Variants in DIP2C observed in about 807,000 individuals in gnomAD.
DIP2C encodes disco-interacting protein 2 homolog C.
In DIP2C, 33 loss-of-function variants were observed where a neutral mutation model predicts 192.4. The observed-to-expected ratio is 0.17, with a 90% CI of 0.13 to 0.23. DIP2C has a LOEUF of 0.23. Ranked by LOEUF, DIP2C falls within the 10% of genes least tolerant of loss-of-function variation. DIP2C has a pLI of 1.00. For synonymous variants in DIP2C, 979 were observed against 864.1 expected, an observed-to-expected ratio of 1.13 and a Z score of -2.33; for missense variants, 1,537 against 2,110.1, an observed-to-expected ratio of 0.73 and a Z score of 5.32.
At chr10:596,455 C>T (rs1433746851) in intron 1 of DIP2C, among the ~76,000 whole-genome samples, 1 of 122,580 alleles carries the variant, frequency 8.2e-6, no homozygotes, top group African/African-American at 3.2e-5. Flanking sequence ...GAGATCATGC[C>T]ATTGCACTTC....
Position 652,375 on chromosome 10 carries a change from G to T in DIP2C, c.85+37119C>A. 5.6e-6 allele frequency: 1 copy of T among 178,666 alleles called. No individual in the cohort carries two copies. The allele number at this position is 178,666 out of a possible 1,614,324, so 11.1% of individuals were successfully genotyped here. A position where few individuals can be genotyped will look rare whatever the true frequency, so the allele number is the denominator to read the frequency against. ...GGCTGAGAACTGAGTTCCAGTCCCGGGGTGGGGTGGCGGGGGGGCGCACTG... is the reference window on the plus strand; with the variant it reads ...GGCTGAGAACTGAGTTCCAGTCCCGTGGTGGGGTGGCGGGGGGGCGCACTG... On this transcript the variant is annotated intron_variant, in intron 1 of 36. Transcript: ENST00000280886. The surrounding 1 kb of genome is among the most constrained non-coding windows in gnomAD (Gnocchi z 4.5).
rs1050778669 is a variant in DIP2C at position 636,278 on chromosome 10, G to A, written c.85+53216C>T. Among the ~76,000 whole-genome samples, 2 of 152,100 alleles carry A rather than the reference G, an allele frequency of 1.3e-5. No homozygotes were observed. The highest frequency in any genetic ancestry group is 2.9e-5 in the Non-Finnish European group (2 of 68,008). Reference sequence around the variant, plus strand: ...CTCACTTCCATACCAATTTCCAGATGTATTTTTACTTTCCCACATTTTCAT... The same window carrying A: ...CTCACTTCCATACCAATTTCCAGATATATTTTTACTTTCCCACATTTTCAT... On this transcript the variant is annotated intron_variant, in intron 1 of 36. Transcript: ENST00000280886. The surrounding 1 kb of genome is among the most constrained non-coding windows in gnomAD (Gnocchi z 4.6).
chr10:325,487 C>T (rs1589486779), intron 31 of DIP2C, among the ~76,000 whole-genome samples: 2 of 152,178 alleles, frequency 1.3e-5, no homozygotes, highest in African/African-American at 2.4e-5. Flanking sequence ...GCAGCAGCCT[C>T]GCCATGGCCA....
intron 1 of DIP2C, among the ~76,000 whole-genome samples, chr10:587,618 C>A (rs1851150270): frequency 1.3e-5 from 2 of 151,754 alleles, no homozygotes; most frequent in Admixed American, 1.3e-4. Context: ...CTGCCTCAGC[C>A]CTGACCCTCC....
chr10:305,145 AAC>A (rs1241264409), intron 32 of DIP2C, among the ~76,000 whole-genome samples: 9 of 152,040 alleles, frequency 5.9e-5, no homozygotes, highest in South Asian at 2.1e-4. Context: ...ATATATACAC[AAC>A]ACACTTGCAC....
chr10:510,933 C>T (rs1240178477), intron 1 of DIP2C, among the ~76,000 whole-genome samples: 3 of 152,176 alleles, frequency 2.0e-5, no homozygotes, highest in Admixed American at 1.3e-4. Flanking sequence ...ACAAACATGT[C>T]ACTTGCCACT....
Position 363,752 on chromosome 10 carries a change from C to T in DIP2C, c.2478-441G>A, listed in dbSNP as rs1959832198. 6.6e-6 allele frequency among the ~76,000 whole-genome samples: 1 copy of T among 152,196 alleles called. No homozygotes were observed. Among genetic ancestry groups the T allele is most frequent in the Non-Finnish European group, 1.5e-5 (1 of 68,040 alleles). The stretch of plus-strand genomic sequence containing the variant: ...GTGTATGTGCCTTATACTGTCAGCA[C>T]AGCACAGTCACCTCCAGTAAAAGAG... On this transcript the variant is annotated intron_variant, in intron 20 of 36. Coordinates refer to ENST00000280886, the MANE Select transcript of DIP2C (RefSeq NM_014974.3). The surrounding 1 kb of genome is among the most constrained non-coding windows in gnomAD (Gnocchi z 5.4).
intron 1 of DIP2C, among the ~76,000 whole-genome samples, chr10:502,158 C>CCA (rs1222682021): frequency 6.6e-6 from 1 of 152,062 alleles, no homozygotes; most frequent in Non-Finnish European, 1.5e-5. Flanking sequence ...ATTCAAATTC[C>CCA]CACATCATAG....
chr10:409,098 G>A (rs1965010567), intron 8 of DIP2C, 81 bp from the exon 9 acceptor site: 2 of 1,438,798 alleles, frequency 1.4e-6, no homozygotes, highest in Non-Finnish European at 1.9e-6. Context: ...TCTAGGACAT[G>A]AGTCCATTCT....
chr10:277,620 G>A, intron 36 of DIP2C, 43 bp from the exon 37 acceptor site: 1 of 1,603,680 alleles, frequency 6.2e-7, no homozygotes, highest in Non-Finnish European at 8.5e-7. Context: ...GTTTATTAAT[G>A]CTTTATTTAA....
intron 17 of DIP2C, among the ~76,000 whole-genome samples, chr10:379,973 C>CTA (rs1564638219): frequency 1.3e-5 from 2 of 151,532 alleles, no homozygotes; most frequent in Non-Finnish European, 2.9e-5. Context: ...GAGGATGTCC[C>CTA]TAGAAGATGG....
intron 2 of DIP2C, among the ~76,000 whole-genome samples, chr10:477,100 G>T (rs1024731489): frequency 1.3e-5 from 2 of 149,476 alleles, no homozygotes; most frequent in Admixed American, 6.7e-5. Context: ...GACAGCAGGA[G>T]ATACAAGGTA....
At chr10:387,717 CAG>C in intron 14 of DIP2C, 26 bp downstream of exon 14, 2 of 1,613,394 alleles carry the variant, frequency 1.2e-6, no homozygotes, top group Non-Finnish European at 1.7e-6. Context: ...CCTTTGTGGA[CAG>C]ACACGGCCGG....
chr10:478,725 G>C (rs1305426642), intron 2 of DIP2C, among the ~76,000 whole-genome samples: 1 of 151,538 alleles, frequency 6.6e-6, no homozygotes, highest in Admixed American at 6.6e-5. Context: ...GGCGTGCTGG[G>C]GGTGTAGACA....
chr10:515,628 C>A lies in DIP2C; in HGVS notation c.86-29098G>T, dbSNP rs367872608. Among the ~76,000 whole-genome samples the A allele has an allele frequency of 2.4e-4, 37 of 152,202 alleles. No homozygotes were observed. The South Asian group carries it at 3.7e-3, about 15-fold the overall frequency. ...AATCCCGCTACTCAAGAGGCTGAGG[C>A]AGGAAGAACTGCCTGAACCCGGGAG... On this transcript the variant is annotated intron_variant, in intron 1 of 36. Coordinates refer to ENST00000280886, the MANE Select transcript of DIP2C (RefSeq NM_014974.3).
chr10:344,800 C>T lies in DIP2C; in HGVS notation c.3453+9G>A, dbSNP rs1472445106. 1.3e-6 allele frequency: 2 copies of T among 1,576,084 alleles called. No individual in the cohort carries two copies. The highest frequency in any genetic ancestry group is 1.7e-6 in the Non-Finnish European group (2 of 1,161,240). ...CTCCATGGCCACCGCCCGCAGCCAC[C>T]CCCCTCACCTTTACGCCAGCTAGCA... On this transcript the variant is annotated intron_variant, in intron 28 of 36. Transcript: ENST00000280886.
intron 1 of DIP2C, among the ~76,000 whole-genome samples, chr10:531,782 A>G (rs1462857457): frequency 6.6e-6 from 1 of 152,180 alleles, no homozygotes; most frequent in East Asian, 1.9e-4. Context: ...ACGGACAAAC[A>G]GCTGCCTCGA....
chr10:590,438 G>A (rs1262453149), intron 1 of DIP2C, among the ~76,000 whole-genome samples: 1 of 152,198 alleles, frequency 6.6e-6, no homozygotes, highest in Non-Finnish European at 1.5e-5. Flanking sequence ...GTGACACAAG[G>A]CCCAGTTCCT....
intron 1 of DIP2C, among the ~76,000 whole-genome samples, chr10:519,490 C>T (rs1846564312): frequency 6.6e-6 from 1 of 152,216 alleles, no homozygotes; most frequent in Admixed American, 6.5e-5. Context: ...ACCCCCACCT[C>T]CCCTCCCCCA....
Sources: allele counts gnomAD v4.1 joint callset (sites outside exome capture counted in the v4.1 genomes callset), GRCh38; gene constraint gnomAD v4.1.1; non-coding constraint Gnocchi (gnomAD v3.1); transcripts MANE v1.5; gene names NCBI Gene and HGNC (gene_info 2026-07-23, HGNC 2026-07-21).